Variants in HECW1 observed in about 807,000 individuals in gnomAD.
HECW1 encodes E3 ubiquitin-protein ligase HECW1.
A neutral mutation model predicts 182.3 loss-of-function variants in HECW1; 61 were observed. The observed-to-expected ratio is 0.33, with a 90% CI of 0.27 to 0.41. The LOEUF (loss-of-function observed/expected upper bound fraction) is 0.41. HECW1 is among the 10% of genes least tolerant of loss of function. The pLI is 1.00. For missense variants in HECW1, 1,739 were observed against 2,108.9 expected, an observed-to-expected ratio of 0.82 and a Z score of 3.44; for synonymous variants, 859 against 832.6, an observed-to-expected ratio of 1.03 and a Z score of -0.55.
chr7:43,156,939 T>G (rs901745421), intron 2 of HECW1, among the ~76,000 whole-genome samples: 6 of 152,176 alleles, frequency 3.9e-5, no homozygotes, highest in Non-Finnish European at 8.8e-5. Flanking sequence ...ACATGTAGTG[T>G]GAATGAGAAA....
Position 43,135,977 on chromosome 7 carries a change from C to T in HECW1, c.-32+21586C>T, listed in dbSNP as rs1176732143. On this transcript the variant is annotated intron_variant, in intron 2 of 29. Transcript: ENST00000395891. ...CAGGATGCAAAATAGATACCATTTA[C>T]ACTTTTTTTTTTTTTTACTATTTGC... Among the ~76,000 whole-genome samples the T allele has an allele frequency of 5.1e-5, 6 of 117,280 alleles. No homozygotes were observed. The Admixed American group carries it at 5.3e-4, about 10-fold the overall frequency. The allele number at this position is 117,280 out of a possible 152,430, so 76.9% of individuals were successfully genotyped here.
chr7:43,560,365 G>A (rs1370756630), intron 29 of HECW1, among the ~76,000 whole-genome samples: 13 of 152,222 alleles, frequency 8.5e-5, no homozygotes, highest in East Asian at 1.9e-4. Flanking sequence ...ATCTGTATTC[G>A]TATGTTTCTT....
intron 3 of HECW1, among the ~76,000 whole-genome samples, chr7:43,275,435 G>T (rs1275238937): frequency 1.3e-5 from 2 of 152,116 alleles, no homozygotes; most frequent in Non-Finnish European, 2.9e-5. Flanking sequence ...GGGTGATGAC[G>T]CTTGAGGTGG....
chr7:43,286,465 T>C (rs187968608), intron 3 of HECW1, among the ~76,000 whole-genome samples: 1 of 152,312 alleles, frequency 6.6e-6, no homozygotes. Context: ...CAGTTGACCA[T>C]TGCTCAGTTT....
Position 43,468,941 on chromosome 7 carries a change from A to G in HECW1, c.2935A>G (p.Ser979Gly), listed in dbSNP as rs2077901252. The G allele has an allele frequency of 4.3e-6, 7 of 1,614,086 alleles. No homozygotes were observed. The highest frequency in any genetic ancestry group is 1.6e-4 in the Middle Eastern group (1 of 6,082). Residue 979 changes from serine (S) to glycine (G), a missense_variant, in exon 16 of 30, where the codon AGT becomes GGT. Physicochemically the swap from Ser to Gly is moderately conservative, Grantham distance 56 (BLOSUM62 0). Around this residue, in one of 5 missense-constraint regions of HECW1, gnomAD observed 971 missense variants for 1,029.1 expected, o/e 0.94. Coordinates refer to ENST00000395891, the MANE Select transcript of HECW1 (RefSeq NM_015052.5). ...TCAGAGTGCCTACCGAGTCTTCACC[A>G]GTAGCACCTGCTTAAAGCACATGAT... ...ANYSAYRVFT[S>G]STCLKHMILK...
chr7:43,363,174 T>A (rs1215276675), intron 6 of HECW1, among the ~76,000 whole-genome samples: 3 of 152,220 alleles, frequency 2.0e-5, no homozygotes, highest in Admixed American at 1.3e-4. Context: ...AGAGGCCAAC[T>A]GCCCAGAAAA....
At chr7:43,196,924 T>A (rs1445408469) in intron 2 of HECW1, among the ~76,000 whole-genome samples, 4 of 152,296 alleles carry the variant, frequency 2.6e-5, no homozygotes, top group South Asian at 2.1e-4. Flanking sequence ...GCCATTTTTT[T>A]AAGTATATAC....
chr7:43,291,935 G>C (rs1445573144), intron 3 of HECW1, among the ~76,000 whole-genome samples: 2 of 152,198 alleles, frequency 1.3e-5, no homozygotes, highest in African/African-American at 4.8e-5. Flanking sequence ...GCCAGGAAAA[G>C]CACTTTAAAC....
chr7:43,526,096 C>T (rs938964495), intron 24 of HECW1, among the ~76,000 whole-genome samples: 4 of 152,178 alleles, frequency 2.6e-5, no homozygotes, highest in Non-Finnish European at 5.9e-5. Context: ...TTATGCATTC[C>T]ATATTTTCCC....
rs141723483 is a variant in HECW1, at chr7:43,233,424, G to A, written c.-31-10451G>A. ...AAGATGCTGCTGTTTGCTTTTCAAT[G>A]TCTTAGACACTCATGTGTCTGTAGA... On this transcript the variant is annotated intron_variant, in intron 2 of 29. Coordinates refer to ENST00000395891, the MANE Select transcript of HECW1 (RefSeq NM_015052.5). Among the ~76,000 whole-genome samples, 95 of 152,260 alleles carry A rather than the reference G, an allele frequency of 6.2e-4. 2 individuals are homozygous for A. The highest frequency in any genetic ancestry group is 2.2e-3 in the African/African-American group (92 of 41,548).
At chr7:43,196,618 G>A (rs1174110696) in intron 2 of HECW1, among the ~76,000 whole-genome samples, 1 of 152,152 alleles carries the variant, frequency 6.6e-6, no homozygotes, top group African/African-American at 2.4e-5. Flanking sequence ...AGTGCAGTGG[G>A]CCACTCTCTC....
chr7:43,546,911 C>T (rs370375200), intron 26 of HECW1, among the ~76,000 whole-genome samples: 8 of 152,130 alleles, frequency 5.3e-5, no homozygotes, highest in African/African-American at 9.7e-5. Context: ...AATAAGGGAC[C>T]TTTGTGGTGC....
intron 4 of HECW1, among the ~76,000 whole-genome samples, chr7:43,316,240 C>A (rs1809227697): frequency 6.6e-6 from 1 of 152,074 alleles, no homozygotes; most frequent in Non-Finnish European, 1.5e-5. Context: ...AAATGCATAC[C>A]ACTCAGAAAA....
chr7:43,141,726 G>A (rs1031760479), intron 2 of HECW1, among the ~76,000 whole-genome samples: 5 of 152,150 alleles, frequency 3.3e-5, no homozygotes, highest in Admixed American at 6.5e-5. Context: ...TTGAACTCCC[G>A]ACGTCAGGTG....
chr7:43,500,103 C>CTTT lies in HECW1; in HGVS notation c.3438-583_3438-581dup, dbSNP rs34962349. ...CAACACGACATGAGCCAAGAACAGT[C>CTTT]TTTTTTTTTTTTTTTGAGATGAAGT... On this transcript the variant is annotated intron_variant, in intron 19 of 29. Coordinates refer to ENST00000395891, the MANE Select transcript of HECW1 (RefSeq NM_015052.5). Among the ~76,000 whole-genome samples the CTTT allele has an allele frequency of 5.1e-4, 73 of 141,814 alleles. 3 individuals are homozygous for CTTT. Among genetic ancestry groups the CTTT allele is most frequent in the Middle Eastern group, 3.7e-3 (1 of 272 alleles). 93.0% of individuals were successfully genotyped at this position (141,814 alleles called of 152,430 possible).
At chr7:43,378,194 A>T (rs1240738807) in intron 6 of HECW1, among the ~76,000 whole-genome samples, 2 of 152,228 alleles carry the variant, frequency 1.3e-5, no homozygotes, top group Non-Finnish European at 2.9e-5. Context: ...ATTCTAATCT[A>T]ATCATCTTCT....
intron 6 of HECW1, among the ~76,000 whole-genome samples, chr7:43,362,492 G>A (rs540151261): frequency 1.1e-4 from 17 of 152,264 alleles, no homozygotes; most frequent in Non-Finnish European, 1.8e-4. Flanking sequence ...TGTCTGACTC[G>A]GACAGCAATT....
At chr7:43,340,633 T>A (rs1812852835) in intron 5 of HECW1, among the ~76,000 whole-genome samples, 1 of 151,692 alleles carries the variant, frequency 6.6e-6, no homozygotes, top group South Asian at 2.1e-4. Context: ...TTTGATTGTT[T>A]TTGAATTTAG....
chr7:43,541,053 C>G (rs773446067), intron 24 of HECW1, 110 bp from the exon 25 acceptor site: 29 of 836,454 alleles, frequency 3.5e-5, no homozygotes, highest in Non-Finnish European at 5.3e-5. Context: ...GAGAAGATTC[C>G]TTAAGCAGCT....
Sources: gnomAD v4.1 joint callset for allele counts (sites outside exome capture counted in the v4.1 genomes callset) on GRCh38, gnomAD v4.1.1 for gene constraint, gnomAD v4.1.1 regional missense constraint, MANE v1.5 for transcripts, NCBI Gene and HGNC (gene_info 2026-07-23, HGNC 2026-07-21) for gene names.